RABGAP1L: variants seen among roughly 807,000 people sequenced by gnomAD.
RABGAP1L encodes RAB GTPase activating protein 1 like.
A neutral mutation model predicts 137.7 loss-of-function variants in RABGAP1L; 63 were observed. The ratio of observed to expected loss-of-function variants is 0.46; its 90% confidence interval spans 0.37 to 0.56. The LOEUF (loss-of-function observed/expected upper bound fraction) is 0.56, where lower values mean the gene tolerates loss of function less well. RABGAP1L is among the 20% of genes least tolerant of loss of function. RABGAP1L has a pLI of 0.00. For synonymous variants in RABGAP1L, 431 were observed against 433.7 expected (o/e 0.99, Z 0.08); for missense variants, 1,095 against 1,244.0 (o/e 0.88, Z 1.80).
intron 17 of RABGAP1L, among the ~76,000 whole-genome samples, chr1:174,726,375 C>T (rs1163578016): frequency 1.3e-5 from 2 of 152,074 alleles, no homozygotes; most frequent in Non-Finnish European, 2.9e-5. Flanking sequence ...CCAAGTGACT[C>T]ACTGGGATTA....
At chr1:174,350,536 G>A (rs1283950567) in intron 11 of RABGAP1L, among the ~76,000 whole-genome samples, 11 of 134,988 alleles carry the variant, frequency 8.1e-5, no homozygotes, top group Non-Finnish European at 1.1e-4. Flanking sequence ...ATGTGATGGC[G>A]GCTGGGAAGA....
rs1280420751 is a variant in RABGAP1L at position 174,993,706 on chromosome 1, G to T, written c.*3705G>T. On this transcript the variant is annotated 3_prime_UTR_variant, in exon 26 of 26. Transcript: ENST00000681986. ...CTTAGGTACCTGCCTGATTAGGGGG[G>T]CCCCTTTAAGGGAAAAAACTTTTAA... The T allele has an allele frequency of 6.6e-6, 1 of 152,186 alleles. No individual in the cohort carries two copies. The highest frequency in any genetic ancestry group is 1.5e-5 in the Non-Finnish European group (1 of 68,030). The allele number at this position is 152,186 out of a possible 1,614,324, so 9.4% of individuals were successfully genotyped here. A position where few individuals can be genotyped will look rare whatever the true frequency, so the allele number is the denominator to read the frequency against.
At chr1:174,261,020 A>AT (rs755299176) in intron 7 of RABGAP1L, among the ~76,000 whole-genome samples, 48 of 152,090 alleles carry the variant, frequency 3.2e-4, no homozygotes, top group Non-Finnish European at 4.1e-4. Flanking sequence ...AGAGGTTCCA[A>AT]TAATGGTAGT....
intron 13 of RABGAP1L, among the ~76,000 whole-genome samples, chr1:174,433,962 A>G (rs1240331999): frequency 6.6e-6 from 1 of 152,198 alleles, no homozygotes; most frequent in African/African-American, 2.4e-5. Flanking sequence ...CTTAAATGAT[A>G]CATTTTAATG....
At chr1:174,959,942 A>G (rs1026222838) in intron 20 of RABGAP1L, among the ~76,000 whole-genome samples, 6 of 152,192 alleles carry the variant, frequency 3.9e-5, no homozygotes, top group African/African-American at 1.4e-4. Context: ...ATTTAATCCT[A>G]TGAAGAATAA....
intron 10 of RABGAP1L, among the ~76,000 whole-genome samples, chr1:174,279,595 T>C (rs937349079): frequency 6.6e-6 from 1 of 152,170 alleles, no homozygotes; most frequent in Non-Finnish European, 1.5e-5. Flanking sequence ...AAAACTGCCA[T>C]GGCGCATCTC....
intron 7 of RABGAP1L, among the ~76,000 whole-genome samples, chr1:174,253,185 A>G (rs1233223262): frequency 6.6e-6 from 1 of 152,186 alleles, no homozygotes; most frequent in African/African-American, 2.4e-5. Context: ...CAGAGTATAA[A>G]CAGATCAGAG....
intron 19 of RABGAP1L, among the ~76,000 whole-genome samples, chr1:174,948,027 C>G (rs1204471123): frequency 5.3e-5 from 8 of 152,056 alleles, no homozygotes; most frequent in Non-Finnish European, 8.8e-5. Flanking sequence ...TAGCCTGTCT[C>G]TTCTCCCTTT....
chr1:174,496,691 G>A (rs990020851), intron 13 of RABGAP1L, among the ~76,000 whole-genome samples: 10 of 152,274 alleles, frequency 6.6e-5, no homozygotes, highest in South Asian at 2.1e-4. Flanking sequence ...GAACTAGCAC[G>A]CGTGTCCTCT....
rs570368792 is a variant in RABGAP1L at position 174,796,780 on chromosome 1, G to A, written c.2212-15052G>A. On this transcript the variant is annotated intron_variant, in intron 18 of 25. Coordinates refer to ENST00000681986, the MANE Select transcript of RABGAP1L (RefSeq NM_001366446.1). ...TCCCAGCACTTTGGGAGGCCGAGAC[G>A]GGTAGATCATGAGGTCAGGAGTTGA... is the stretch of plus-strand genomic sequence containing the variant. Among the ~76,000 whole-genome samples the A allele has an allele frequency of 3.3e-5, 5 of 152,196 alleles. No individual in the cohort carries two copies. The South Asian group carries it at 8.3e-4, about 25-fold the overall frequency.
At chr1:174,666,448 G>T (rs1676793591) in intron 14 of RABGAP1L, among the ~76,000 whole-genome samples, 2 of 152,290 alleles carry the variant, frequency 1.3e-5, no homozygotes, top group African/African-American at 4.8e-5. Flanking sequence ...AGAAATTGGA[G>T]AAACATGTGT....
At chr1:174,291,220 T>A (rs1282582448) in intron 10 of RABGAP1L, among the ~76,000 whole-genome samples, 2 of 152,110 alleles carry the variant, frequency 1.3e-5, no homozygotes, top group East Asian at 3.8e-4. Flanking sequence ...TTCTGCATCT[T>A]TGTGGTTTTT....
chr1:174,786,140 A>T (rs182651362), intron 18 of RABGAP1L, among the ~76,000 whole-genome samples: 1 of 152,078 alleles, frequency 6.6e-6, no homozygotes, highest in Admixed American at 6.6e-5. Context: ...TACCAAAGTG[A>T]TTTCTGTGTC....
At chr1:174,230,860 A>C (rs964310698) in intron 3 of RABGAP1L, among the ~76,000 whole-genome samples, 3 of 152,018 alleles carry the variant, frequency 2.0e-5, no homozygotes, top group Admixed American at 2.0e-4. Flanking sequence ...ATAAAGCTTA[A>C]ATTTTTTCTC....
intron 19 of RABGAP1L, among the ~76,000 whole-genome samples, chr1:174,812,430 G>A (rs554436396): frequency 6.6e-6 from 1 of 152,180 alleles, no homozygotes; most frequent in African/African-American, 2.4e-5. Flanking sequence ...TCACATGTCT[G>A]ATAAAGCTAA....
chr1:174,299,759 C>T (rs1677486575), intron 10 of RABGAP1L, among the ~76,000 whole-genome samples: 2 of 152,190 alleles, frequency 1.3e-5, no homozygotes, highest in African/African-American at 4.8e-5. Flanking sequence ...TTAGTTAACT[C>T]TTGTTTTGCT....
chr1:174,739,989 C>G (rs1309077994), intron 17 of RABGAP1L, among the ~76,000 whole-genome samples: 5 of 152,168 alleles, frequency 3.3e-5, no homozygotes, highest in East Asian at 1.9e-4. Context: ...ACTTAGGCTC[C>G]TTAGCGATCC....
intron 19 of RABGAP1L, among the ~76,000 whole-genome samples, chr1:174,912,975 T>C (rs1490244914): frequency 6.6e-6 from 1 of 152,054 alleles, no homozygotes; most frequent in Non-Finnish European, 1.5e-5. Flanking sequence ...TGCTTATTTC[T>C]TTAGCTTTTT....
At chr1:174,271,591 A>C (rs918328387) in intron 7 of RABGAP1L, among the ~76,000 whole-genome samples, 1 of 152,072 alleles carries the variant, frequency 6.6e-6, no homozygotes, top group Admixed American at 6.5e-5. Flanking sequence ...GAGACCTATA[A>C]TATAGCAGTA....
Sources: allele counts gnomAD v4.1 joint callset (sites outside exome capture counted in the v4.1 genomes callset), GRCh38; gene constraint gnomAD v4.1.1; transcripts MANE v1.5; gene names NCBI Gene and HGNC (gene_info 2026-07-23, HGNC 2026-07-21).